The following ALDH18A1 variants were observed in gnomAD, a reference collection of about 807,000 sequenced individuals.
The protein encoded by ALDH18A1 is aldehyde dehydrogenase 18 family member A1, also known as delta-1-pyrroline-5-carboxylate synthase.
ALDH18A1 carries 44 observed loss-of-function variants against 88.8 expected under a neutral mutation model. The observed-to-expected ratio is 0.50, with a 90% CI of 0.39 to 0.64. ALDH18A1 has a LOEUF of 0.64. Among genes scored for constraint, ALDH18A1 ranks in the 30% least tolerant of loss-of-function variants. ALDH18A1 has a pLI of 0.00. For missense variants in ALDH18A1, 782 were observed against 1,009.5 expected (o/e 0.77, Z 3.05); for synonymous variants, 331 against 372.1 (o/e 0.89, Z 1.27).
rs774724802 is a variant in ALDH18A1, at chr10:95,633,052, A to G, written c.718-3T>C. The G allele has an allele frequency of 1.6e-5, 25 of 1,612,798 alleles. No individual in the cohort carries two copies. The highest frequency in any genetic ancestry group is 5.0e-5 in the Admixed American group (3 of 60,000). On this transcript the variant is annotated splice_region_variant and splice_polypyrimidine_tract_variant and intron_variant, in intron 6 of 17. Transcript: ENST00000371224. Reference sequence around the variant, plus strand: ...TCATTATCTTTAACACTAATAACCTAGAATGCAGATTAAAAAGTCATAAGT... The same window carrying G: ...TCATTATCTTTAACACTAATAACCTGGAATGCAGATTAAAAAGTCATAAGT...
rs139629411 is a variant in ALDH18A1, at chr10:95,644,174, T to C, written c.89-968A>G. On this transcript the variant is annotated intron_variant, in intron 2 of 17. Coordinates refer to ENST00000371224, the MANE Select transcript of ALDH18A1 (RefSeq NM_002860.4). Reference sequence around the variant, plus strand: ...ACAAAAAAAGAGGGAAGAGCCTGATTAGCAAAGACAGTAAAGAACAAAGTA... The same window carrying C: ...ACAAAAAAAGAGGGAAGAGCCTGATCAGCAAAGACAGTAAAGAACAAAGTA... 9.8e-4 allele frequency among the ~76,000 whole-genome samples: 149 copies of C among 152,300 alleles called. 1 individual carries two copies. In the East Asian group the frequency reaches 0.013, roughly 13 times the overall value.
chr10:95,633,224 T>A (rs967480967), intron 6 of ALDH18A1, among the ~76,000 whole-genome samples, 175 bp from the exon 7 acceptor site: 3 of 152,202 alleles, frequency 2.0e-5, no homozygotes, highest in African/African-American at 7.2e-5. Context: ...ACACACTGTC[T>A]ACTGGCAATC....
At chr10:95,612,163 A>G (rs951119167) in intron 15 of ALDH18A1, among the ~76,000 whole-genome samples, 4 of 152,170 alleles carry the variant, frequency 2.6e-5, no homozygotes, top group Admixed American at 2.6e-4. Flanking sequence ...CCTGTACCCT[A>G]GCGAAGTCCC....
chr10:95,625,406 T>C lies in ALDH18A1; in HGVS notation c.1202A>G (p.Asp401Gly), dbSNP rs1267432900. 5 of 1,613,984 alleles carry C rather than the reference T, an allele frequency of 3.1e-6. No homozygotes were observed. The highest frequency in any genetic ancestry group is 4.2e-6 in the Non-Finnish European group (5 of 1,180,002). Residue 401 changes from aspartate to glycine, a missense_variant, in exon 11 of 18, where the codon GAT becomes GGT. Around this residue, in one of 3 missense-constraint regions of ALDH18A1, gnomAD observed 556 missense variants for 654.5 expected, o/e 0.85. Coordinates refer to ENST00000371224, the MANE Select transcript of ALDH18A1 (RefSeq NM_002860.4). ...TTTTTTGTTGGCTAACAGGATCTCATCACGCTGGTCCGTCAACAGATCAGC... is the reference window on the plus strand; with the variant it reads ...TTTTTTGTTGGCTAACAGGATCTCACCACGCTGGTCCGTCAACAGATCAGC... ...HLADLLTDQR[D>G]EILLANKKDL...
chr10:95,655,425 C>G (rs1367719591), intron 1 of ALDH18A1, among the ~76,000 whole-genome samples: 1 of 152,042 alleles, frequency 6.6e-6, no homozygotes, highest in Non-Finnish European at 1.5e-5. Flanking sequence ...CCTTCAAGAC[C>G]CATCACGGGA....
intron 9 of ALDH18A1, 70 bp downstream of exon 9, chr10:95,627,372 T>C (rs1029067444): frequency 5.1e-6 from 8 of 1,578,302 alleles, no homozygotes; most frequent in Middle Eastern, 1.7e-4. Flanking sequence ...ATCAATTTTG[T>C]GATCTCTAAC....
At chr10:95,622,507 A>T (rs2097854338) in intron 11 of ALDH18A1, among the ~76,000 whole-genome samples, 1 of 151,024 alleles carries the variant, frequency 6.6e-6, no homozygotes, top group African/African-American at 2.4e-5. Flanking sequence ...TGGCTGAAAA[A>T]AAAATAGGAT....
intron 11 of ALDH18A1, among the ~76,000 whole-genome samples, chr10:95,624,544 T>C (rs895641134): frequency 9.9e-5 from 15 of 152,262 alleles, no homozygotes; most frequent in African/African-American, 3.4e-4. Flanking sequence ...ACACCATTAA[T>C]ATGGATGTTC....
At chr10:95,650,635 G>A (rs2097909076) in intron 2 of ALDH18A1, among the ~76,000 whole-genome samples, 1 of 152,162 alleles carries the variant, frequency 6.6e-6, no homozygotes, top group South Asian at 2.1e-4. Flanking sequence ...TCCAAGAGCA[G>A]AAGCAGCCTG....
chr10:95,637,731 G>A (rs932459668), intron 3 of ALDH18A1, among the ~76,000 whole-genome samples: 4 of 152,112 alleles, frequency 2.6e-5, no homozygotes, highest in Admixed American at 6.5e-5. Context: ...CACTTTGGGA[G>A]GCCAAGGCAG....
At chr10:95,636,790 A>G (rs992119813) in intron 5 of ALDH18A1, among the ~76,000 whole-genome samples, 1 of 152,230 alleles carries the variant, frequency 6.6e-6, no homozygotes, top group Admixed American at 6.5e-5. Flanking sequence ...TGGAATCCTA[A>G]GTTATTAGTG....
chr10:95,636,881 CCCTT>C (rs757773919), intron 5 of ALDH18A1, among the ~76,000 whole-genome samples: 7 of 152,202 alleles, frequency 4.6e-5, no homozygotes, highest in Non-Finnish European at 1.0e-4. Context: ...TCTCACTGAG[CCCTT>C]CCAAAAATTA....
At chr10:95,637,037 T>A in intron 5 of ALDH18A1, 56 bp downstream of exon 5, 1 of 1,533,920 alleles carries the variant, frequency 6.5e-7, no homozygotes, top group Non-Finnish European at 9.0e-7. Flanking sequence ...GACCCCTTTG[T>A]TCCACAACAA....
At chr10:95,649,314 G>A (rs944541398) in intron 2 of ALDH18A1, among the ~76,000 whole-genome samples, 5 of 151,526 alleles carry the variant, frequency 3.3e-5, no homozygotes, top group Admixed American at 6.6e-5. Context: ...CCAGAAGTTC[G>A]AGACCAGCCA....
At chr10:95,653,179 C>G (rs957637312) in intron 2 of ALDH18A1, 111 bp downstream of exon 2, 2 of 1,045,902 alleles carry the variant, frequency 1.9e-6, no homozygotes, top group Admixed American at 1.8e-5. Context: ...CAAAATGAGA[C>G]CCTGTCTCCA....
chr10:95,633,171 A>T, intron 6 of ALDH18A1, 122 bp from the exon 7 acceptor site: 1 of 875,752 alleles, frequency 1.1e-6, no homozygotes, highest in Non-Finnish European at 1.9e-6. Flanking sequence ...AATGAACCCA[A>T]ATATGTAGAT....
chr10:95,647,656 C>T (rs920048328), intron 2 of ALDH18A1, among the ~76,000 whole-genome samples: 2 of 152,200 alleles, frequency 1.3e-5, no homozygotes, highest in African/African-American at 4.8e-5. Flanking sequence ...GGGTCCTGCC[C>T]CATACCTTGG....
intron 2 of ALDH18A1, among the ~76,000 whole-genome samples, chr10:95,651,577 T>A (rs1037987395): frequency 1.3e-5 from 2 of 152,182 alleles, no homozygotes; most frequent in African/African-American, 2.4e-5. Context: ...AGGAAGCTTA[T>A]AATCATGGCA....
At chr10:95,625,166 C>G (rs2097858539) in intron 11 of ALDH18A1, among the ~76,000 whole-genome samples, 196 bp downstream of exon 11, 1 of 152,144 alleles carries the variant, frequency 6.6e-6, no homozygotes, top group African/African-American at 2.4e-5. Context: ...AAAAGCTCCT[C>G]TGGGGGTTGT....
Sources: allele counts gnomAD v4.1 joint callset (sites outside exome capture counted in the v4.1 genomes callset), GRCh38; gene constraint gnomAD v4.1.1; regional missense constraint gnomAD v4.1.1; transcripts MANE v1.5; gene names NCBI Gene and HGNC (gene_info 2026-07-23, HGNC 2026-07-21).